MEGF11: variants seen among roughly 807,000 people sequenced by gnomAD.
MEGF11 encodes the protein multiple EGF like domains 11.
A neutral mutation model predicts 146.6 loss-of-function variants in MEGF11; 126 were observed. That is an observed-to-expected ratio of 0.86 (90% CI 0.74 to 1.00). The LOEUF is 1.00. MEGF11 is among the 50% of genes least tolerant of loss of function. The pLI is 0.00. For synonymous variants in MEGF11, 532 were observed against 583.4 expected, an observed-to-expected ratio of 0.91 and a Z score of 1.27; for missense variants, 1,509 against 1,521.2, an observed-to-expected ratio of 0.99 and a Z score of 0.13.
intron 5 of MEGF11, among the ~76,000 whole-genome samples, chr15:66,002,981 T>TTTTC (rs111389278): frequency 0.95 from 142,470 of 150,382 alleles, 67,983 homozygotes; most frequent in Non-Finnish European, 1. Context: ...TGTTTCTTTC[T>TTTTC]TTTCTTTCTT....
chr15:66,103,130 G>T (rs1193337914), intron 4 of MEGF11, among the ~76,000 whole-genome samples: 2 of 152,240 alleles, frequency 1.3e-5, no homozygotes, highest in African/African-American at 2.4e-5. Context: ...GGGACAGATG[G>T]CTGGATAGGG....
At chr15:66,155,308 C>T (rs879323175) in intron 1 of MEGF11, among the ~76,000 whole-genome samples, 13 of 152,148 alleles carry the variant, frequency 8.5e-5, no homozygotes, top group Non-Finnish European at 1.6e-4. Flanking sequence ...GGAGGGAGAG[C>T]CCTCGGCTGT....
intron 5 of MEGF11, among the ~76,000 whole-genome samples, chr15:66,064,652 G>A (rs1465394077): frequency 2.0e-5 from 3 of 151,788 alleles, no homozygotes; most frequent in African/African-American, 7.3e-5. Flanking sequence ...CAAGTAGCTA[G>A]GATTACAGGC....
intron 1 of MEGF11, among the ~76,000 whole-genome samples, chr15:66,223,517 G>A (rs2091782485): frequency 6.6e-6 from 1 of 152,198 alleles, no homozygotes; most frequent in East Asian, 1.9e-4. Flanking sequence ...GAGGCCAGGA[G>A]TTTGAGACCA....
rs569377512 is a variant in MEGF11, at chr15:66,173,125, C to G, written c.-8-44714G>C. 6.9e-4 allele frequency among the ~76,000 whole-genome samples: 105 copies of G among 152,108 alleles called. 1 individual carries two copies. The highest frequency in any genetic ancestry group is 1.3e-3 in the Non-Finnish European group (89 of 68,018). ...CATCCGTCTTTCAGTGGCTCTGTAG[C>G]CTGGAGCACCCTTTCTTATGGTCTT... On this transcript the variant is annotated intron_variant, in intron 1 of 25. Coordinates refer to ENST00000395614, the MANE Select transcript of MEGF11 (RefSeq NM_001385028.1).
chr15:65,915,584 T>C lies in MEGF11; in HGVS notation c.2359A>G (p.Thr787Ala). The change falls in exon 19 of 26, where the codon ACC (threonine) becomes GCC (alanine). Residue 787 changes from threonine to alanine, a missense_variant. Transcript: ENST00000395614. The stretch of plus-strand genomic sequence containing the variant: ...AGCTGCTGACACCCATAGCCAAAGG[T>C]TCCTGGGGCACATCCTGTGTGGCAC... ...QHCEQRCAPG[T>A]FGYGCQQLCE... 6.2e-7 allele frequency: 1 copy of C among 1,613,794 alleles called. No homozygotes were observed. The highest frequency in any genetic ancestry group is 8.5e-7 in the Non-Finnish European group (1 of 1,179,816).
intron 5 of MEGF11, among the ~76,000 whole-genome samples, chr15:65,994,572 G>T (rs1488543290): frequency 6.6e-6 from 1 of 152,208 alleles, no homozygotes; most frequent in Non-Finnish European, 1.5e-5. Flanking sequence ...TTATCTGTGG[G>T]TTCACAGGCA....
chr15:66,163,327 T>C (rs2090005950), intron 1 of MEGF11, among the ~76,000 whole-genome samples: 2 of 152,204 alleles, frequency 1.3e-5, no homozygotes. Flanking sequence ...TTTAGGCTCC[T>C]TCTATTTGGC....
intron 5 of MEGF11, among the ~76,000 whole-genome samples, chr15:66,060,844 T>A (rs953664544): frequency 6.6e-6 from 1 of 152,200 alleles, no homozygotes; most frequent in Non-Finnish European, 1.5e-5. Flanking sequence ...TGACAACAGA[T>A]GTGAGGATAT....
chr15:66,250,219 C>A (rs2092351851), intron 1 of MEGF11, among the ~76,000 whole-genome samples: 1 of 152,230 alleles, frequency 6.6e-6, no homozygotes, highest in South Asian at 2.1e-4. Context: ...CTGCAGCTGC[C>A]TTTGGGTTAC....
At chr15:65,985,611 A>G (rs558798095) in intron 5 of MEGF11, among the ~76,000 whole-genome samples, 1 of 152,352 alleles carries the variant, frequency 6.6e-6, no homozygotes, top group South Asian at 2.1e-4. Context: ...CCCAGTAGGA[A>G]GCAAAACTAG....
chr15:66,113,732 T>G (rs1056530247), intron 4 of MEGF11, among the ~76,000 whole-genome samples: 3 of 152,042 alleles, frequency 2.0e-5, no homozygotes, highest in Non-Finnish European at 2.9e-5. Flanking sequence ...ATACAAAAAA[T>G]TAGCCAGGTG....
At chr15:66,041,988 G>A (rs1208423940) in intron 5 of MEGF11, among the ~76,000 whole-genome samples, 1 of 152,090 alleles carries the variant, frequency 6.6e-6, no homozygotes, top group Non-Finnish European at 1.5e-5. Context: ...TGATCATAAG[G>A]GTTCATGTAC....
At chr15:66,135,904 G>A (rs563818664) in intron 1 of MEGF11, among the ~76,000 whole-genome samples, 10 of 152,258 alleles carry the variant, frequency 6.6e-5, no homozygotes, top group African/African-American at 2.4e-4. Flanking sequence ...CACTCTGCTG[G>A]TGCACAGGGC....
chr15:66,061,373 G>A (rs2084899404), intron 5 of MEGF11, among the ~76,000 whole-genome samples: 1 of 152,142 alleles, frequency 6.6e-6, no homozygotes. Context: ...CTAACATGGG[G>A]CTGGAAAGGC....
At chr15:65,951,408 T>C (rs1001121615) in intron 10 of MEGF11, among the ~76,000 whole-genome samples, 1 of 152,162 alleles carries the variant, frequency 6.6e-6, no homozygotes, top group Non-Finnish European at 1.5e-5. Flanking sequence ...GGTTTGTGGC[T>C]GGGCACAGTG....
rs2089319482 is a variant in MEGF11 at position 66,145,197 on chromosome 15, G to A, written c.-8-16786C>T. Among the ~76,000 whole-genome samples the A allele has an allele frequency of 2.0e-5, 3 of 152,198 alleles. No individual in the cohort carries two copies. The South Asian group carries it at 6.2e-4, about 32-fold the overall frequency. ...CCTCGAGGTCTCCACATCTGATGGT[G>A]TCTGTTCTCCCTCCCTCTCCCTCTT... is the stretch of plus-strand genomic sequence containing the variant. On this transcript the variant is annotated intron_variant, in intron 1 of 25. Transcript: ENST00000395614.
intron 13 of MEGF11, among the ~76,000 whole-genome samples, chr15:65,927,831 C>T (rs907737578): frequency 1.3e-5 from 2 of 152,114 alleles, no homozygotes; most frequent in Admixed American, 1.3e-4. Context: ...GGCCCTGGGC[C>T]ATGGTAAGGA....
At chr15:66,199,651 T>C (rs1421374496) in intron 1 of MEGF11, among the ~76,000 whole-genome samples, 1 of 152,164 alleles carries the variant, frequency 6.6e-6, no homozygotes, top group Non-Finnish European at 1.5e-5. Flanking sequence ...TCTCTGGGCA[T>C]AGTGATGTGT....
Sources: allele counts gnomAD v4.1 joint callset (sites outside exome capture counted in the v4.1 genomes callset), GRCh38; gene constraint gnomAD v4.1.1; transcripts MANE v1.5; gene names NCBI Gene and HGNC (gene_info 2026-07-23, HGNC 2026-07-21).